Variants in RGS22 observed in about 807,000 individuals in gnomAD.
The protein encoded by RGS22 is regulator of G protein signaling 22.
Under a neutral mutation model 172.9 loss-of-function variants are expected in RGS22, and 148 were observed. The ratio of observed to expected loss-of-function variants is 0.86; its 90% CI spans 0.75 to 0.98. The LOEUF (loss-of-function observed/expected upper bound fraction) is 0.98. Ranked by LOEUF, RGS22 falls within the 50% of genes least tolerant of loss-of-function variation. The pLI is 0.00. For missense variants in RGS22, 1,347 were observed against 1,440.8 expected, an observed-to-expected ratio of 0.93 and a Z score of 1.05; for synonymous variants, 458 against 480.2, an observed-to-expected ratio of 0.95 and a Z score of 0.60.
intron 13 of RGS22, 72 bp from the exon 14 acceptor site, chr8:100,039,104 T>C: frequency 1.3e-6 from 1 of 770,974 alleles, no homozygotes; most frequent in South Asian, 2.1e-5. Context: ...TAATTTCAAA[T>C]ATAAGTAACT....
intron 21 of RGS22, among the ~76,000 whole-genome samples, chr8:99,983,069 T>C (rs1812719919): frequency 6.6e-6 from 1 of 152,170 alleles, no homozygotes; most frequent in African/African-American, 2.4e-5. Flanking sequence ...TTGGTTTTCT[T>C]TTCCTGCATT....
intron 14 of RGS22, among the ~76,000 whole-genome samples, chr8:100,036,504 C>G (rs1203417021): frequency 1.3e-5 from 2 of 152,156 alleles, no homozygotes; most frequent in Admixed American, 6.6e-5. Context: ...CGTTTATGTA[C>G]AGAAAATCAT....
intron 14 of RGS22, among the ~76,000 whole-genome samples, chr8:100,013,225 G>A (rs1026357040): frequency 2.6e-5 from 4 of 151,952 alleles, no homozygotes; most frequent in Non-Finnish European, 5.9e-5. Context: ...TCCTGACCTC[G>A]TGATCCGCCC....
intron 5 of RGS22, 64 bp downstream of exon 5, chr8:100,072,062 GTGGCATACAGCTGTAGTCC>G: frequency 1.3e-6 from 1 of 777,318 alleles, no homozygotes; most frequent in Admixed American, 2.6e-5. Flanking sequence ...GCCACACATG[GTGGCATACAGCTGTAGTCC>G]TAGCAAATTG....
chr8:99,981,855 C>A, intron 22 of RGS22, 82 bp downstream of exon 22: 1 of 1,336,828 alleles, frequency 7.5e-7, no homozygotes, highest in Non-Finnish European at 1.0e-6. Context: ...AGCCACCACG[C>A]CTGGCCCAAA....
chr8:99,994,482 A>G (rs187867963), intron 20 of RGS22, among the ~76,000 whole-genome samples: 1 of 152,346 alleles, frequency 6.6e-6, no homozygotes, highest in African/African-American at 2.4e-5. Flanking sequence ...AGACAAACAG[A>G]GCACCAAATC....
Position 100,080,267 on chromosome 8 carries a change from T to G in RGS22, c.206A>C (p.Lys69Thr). Residue 69 changes from lysine (K) to threonine (T), a missense_variant, in exon 4 of 28, where the codon AAA (lysine) becomes ACA (threonine). Transcript: ENST00000360863. ...AGGTTGCTGGTTTTGTAGAATTTTTTTCAGTTGTTTTTCCAGAAATTGTGG... is the reference window on the plus strand; with the variant it reads ...AGGTTGCTGGTTTTGTAGAATTTTTGTCAGTTGTTTTTCCAGAAATTGTGG... ...DAPQFLEKQL[K>T]KILQNQQPRN... The G allele has an allele frequency of 1.2e-6, 2 of 1,613,982 alleles. No homozygotes were observed. The highest frequency in any genetic ancestry group is 1.7e-6 in the Non-Finnish European group (2 of 1,179,884).
chr8:100,009,532 T>C (rs969915512), intron 14 of RGS22, among the ~76,000 whole-genome samples: 2 of 151,850 alleles, frequency 1.3e-5, no homozygotes, highest in African/African-American at 4.8e-5. Context: ...CTCTCAATAA[T>C]AGTTATGTAT....
At chr8:99,975,838 T>A (rs7815977) in intron 23 of RGS22, among the ~76,000 whole-genome samples, 26,667 of 151,974 alleles carry the variant, frequency 0.18, 4,008 homozygotes, top group African/African-American at 0.41. Flanking sequence ...GGGAGCTACC[T>A]CACCCAGCTG....
intron 1 of RGS22, 50 bp from the exon 2 acceptor site, chr8:100,105,452 T>C (rs1332493388): frequency 6.7e-7 from 1 of 1,498,930 alleles, no homozygotes; most frequent in Non-Finnish European, 9.3e-7. Context: ...TGATTTCCTT[T>C]GAGTAAATGA....
intron 9 of RGS22, among the ~76,000 whole-genome samples, chr8:100,056,442 A>G (rs1427938712): frequency 2.6e-5 from 4 of 152,256 alleles, no homozygotes; most frequent in African/African-American, 9.6e-5. Flanking sequence ...TCTCCAGGGC[A>G]TGTCAGAGAC....
chr8:100,089,907 G>C (rs1409462774), intron 3 of RGS22, among the ~76,000 whole-genome samples: 1 of 151,992 alleles, frequency 6.6e-6, no homozygotes, highest in Non-Finnish European at 1.5e-5. Flanking sequence ...GAACCTGTGT[G>C]GACCATTATT....
At chr8:100,036,366 G>A (rs1442400811) in intron 14 of RGS22, among the ~76,000 whole-genome samples, 2 of 152,136 alleles carry the variant, frequency 1.3e-5, no homozygotes, top group East Asian at 1.9e-4. Flanking sequence ...TCTTCAGGGT[G>A]TACCCAAGAC....
intron 3 of RGS22, among the ~76,000 whole-genome samples, chr8:100,081,422 C>G (rs1213471331): frequency 3.3e-5 from 5 of 149,764 alleles, no homozygotes; most frequent in Non-Finnish European, 7.4e-5. Flanking sequence ...TCTCTAAGGT[C>G]TGACTGTCTC....
chr8:100,103,959 C>T (rs1027284950), intron 2 of RGS22, among the ~76,000 whole-genome samples: 10 of 152,188 alleles, frequency 6.6e-5, no homozygotes, highest in Non-Finnish European at 1.0e-4. Flanking sequence ...AAATGCTCAC[C>T]TCCTGCTGGA....
chr8:100,105,458 A>C, intron 1 of RGS22, 56 bp from the exon 2 acceptor site: 1 of 1,469,130 alleles, frequency 6.8e-7, no homozygotes, highest in Non-Finnish European at 9.5e-7. Context: ...CCTTTGAGTA[A>C]ATGAAATCAT....
chr8:99,990,186 C>A (rs1383122977), intron 20 of RGS22, among the ~76,000 whole-genome samples: 1 of 152,116 alleles, frequency 6.6e-6, no homozygotes, highest in Admixed American at 6.6e-5. Flanking sequence ...GCAGGAGGAT[C>A]ACTGGAGCCC....
At chr8:99,969,660 C>T (rs1237385378) in intron 23 of RGS22, among the ~76,000 whole-genome samples, 2 of 152,076 alleles carry the variant, frequency 1.3e-5, no homozygotes, top group African/African-American at 4.8e-5. Context: ...TTAAAGGGAT[C>T]AATGCAACAA....
intron 10 of RGS22, among the ~76,000 whole-genome samples, chr8:100,051,511 A>G (rs1250492641): frequency 5.0e-5 from 1 of 20,054 alleles, no homozygotes; most frequent in Non-Finnish European, 9.3e-5. Flanking sequence ...AAATATATAT[A>G]AATATATTTT....
Sources: allele counts gnomAD v4.1 joint callset (sites outside exome capture counted in the v4.1 genomes callset), GRCh38; gene constraint gnomAD v4.1.1; transcripts MANE v1.5; gene names NCBI Gene and HGNC (gene_info 2026-07-23, HGNC 2026-07-21).